The following TIMELESS variants were observed in gnomAD, a reference collection of about 807,000 sequenced individuals.
The protein encoded by TIMELESS is timeless circadian regulator, also known as protein timeless homolog.
In TIMELESS, 124 loss-of-function variants were observed where a neutral mutation model predicts 164.3. The ratio of observed to expected loss-of-function variants is 0.75; its 90% CI spans 0.65 to 0.88. The LOEUF is 0.88. TIMELESS is among the 40% of genes least tolerant of loss of function. The pLI is 0.00. For missense variants in TIMELESS, 1,422 were observed against 1,491.4 expected (o/e 0.95, Z 0.77); for synonymous variants, 564 against 563.4 (o/e 1.00, Z -0.02).
rs772690151 is a variant in TIMELESS at position 56,424,912 on chromosome 12, T to C, written c.1718A>G (p.Asn573Ser). 1.9e-6 allele frequency: 3 copies of C among 1,614,072 alleles called. No individual in the cohort carries two copies. Among genetic ancestry groups the C allele is most frequent in the African/African-American group, 1.3e-5 (1 of 74,910 alleles). Reference sequence around the variant, plus strand: ...CACGGAGTCCATGCTGAGCTCAGAATTCTAGAGATGGATAAAGCTATGGGA... The same window carrying C: ...CACGGAGTCCATGCTGAGCTCAGAACTCTAGAGATGGATAAAGCTATGGGA... ...LAEQLQCCAQ[N>S]SELSMDSVVP... The change falls in exon 15 of 29, where the codon AAT (asparagine) becomes AGT (serine). Residue 573 changes from asparagine to serine, a missense_variant and splice_region_variant. Physicochemically the swap from Asn to Ser is conservative, Grantham distance 46. Transcript: ENST00000553532.
At chr12:56,438,327 G>A (rs948477715) in intron 1 of TIMELESS, among the ~76,000 whole-genome samples, 3 of 152,126 alleles carry the variant, frequency 2.0e-5, no homozygotes, top group Non-Finnish European at 4.4e-5. Context: ...TTACAGGCGT[G>A]AGCCACCGTG....
At position 56,433,386 on chromosome 12, in the gene TIMELESS, G is replaced by A. The variant is rs567812420; in HGVS notation, c.424C>T (p.Gln142Ter). Residue 142 changes from glutamine (Q) to a stop codon, truncating the protein, a stop_gained, in exon 5 of 29, where the codon CAG (glutamine) becomes TAG (stop). Coordinates refer to ENST00000553532, the MANE Select transcript of TIMELESS (RefSeq NM_003920.5). LOFTEE classifies it high-confidence loss of function. The stretch of plus-strand genomic sequence containing the variant: ...TAAGGTGAAGACTCACTCACCAGCT[G>A]CAGCAGCTCATACAAGGTTTCACTG... Reference protein sequence around the residue: ...VLSETLYELLQLGWEERQEED... With the variant: ...VLSETLYELL 4 of 1,614,158 alleles carry A rather than the reference G, an allele frequency of 2.5e-6. No individual in the cohort carries two copies. In the South Asian group the frequency reaches 3.3e-5, roughly 13 times the overall value.
chr12:56,443,621 T>C (rs1868308585), intron 1 of TIMELESS, among the ~76,000 whole-genome samples: 1 of 152,190 alleles, frequency 6.6e-6, no homozygotes, highest in African/African-American at 2.4e-5. Flanking sequence ...TCCCTATTCG[T>C]ACCCCCCTCC....
At chr12:56,428,158 A>C in intron 13 of TIMELESS, 78 bp downstream of exon 13, 1 of 1,412,714 alleles carries the variant, frequency 7.1e-7, no homozygotes, top group South Asian at 1.4e-5. Context: ...CTTAAGCTGT[A>C]CAAACTGTGA....
In TIMELESS at chr12:56,434,229, G is replaced by A. The variant is rs1881998396; in HGVS notation, c.-59C>T. Reference sequence around the variant, plus strand: ...GAGAAACAGGAGACAGAAATGATGAGGCCTGGAGAAATAGAGAAAGATAAA... The same window carrying A: ...GAGAAACAGGAGACAGAAATGATGAAGCCTGGAGAAATAGAGAAAGATAAA... On this transcript the variant is annotated splice_region_variant and 5_prime_UTR_variant, in exon 2 of 29. Coordinates refer to ENST00000553532, the MANE Select transcript of TIMELESS (RefSeq NM_003920.5). The A allele has an allele frequency of 1.1e-5, 15 of 1,349,604 alleles. No homozygotes were observed. The East Asian group carries it at 3.4e-4, about 31-fold the overall frequency. 83.6% of individuals were successfully genotyped at this position (1,349,604 alleles called of 1,614,324 possible).
At chr12:56,421,324 C>A in intron 23 of TIMELESS, 27 bp downstream of exon 23, 1 of 1,608,160 alleles carries the variant, frequency 6.2e-7, no homozygotes, top group Non-Finnish European at 8.5e-7. Context: ...TGAGCCCATG[C>A]CAGCAGAGCT....
intron 15 of TIMELESS, 121 bp downstream of exon 15, chr12:56,424,641 T>G: frequency 8.1e-7 from 1 of 1,234,022 alleles, no homozygotes. Flanking sequence ...AGGAGTCAGT[T>G]GGTATACAGT....
Position 56,423,086 on chromosome 12 carries a change from GC to G in TIMELESS, c.2293-95del, listed in dbSNP as rs1232138465. The G allele has an allele frequency of 3.3e-5, 48 of 1,466,094 alleles. No individual in the cohort carries two copies. The East Asian group carries it at 1.1e-3, about 33-fold the overall frequency. 90.8% of individuals were successfully genotyped at this position (1,466,094 alleles called of 1,614,324 possible). A position where few individuals can be genotyped will look rare whatever the true frequency, so the allele number is the denominator to read the frequency against. On this transcript the variant is annotated intron_variant, in intron 18 of 28. Coordinates refer to ENST00000553532, the MANE Select transcript of TIMELESS (RefSeq NM_003920.5). ...ATTTTCTCTATAGCTGTTCCCAGCTGCCCCCTCCTCACTCACTCTCTTCTGT... is the reference window on the plus strand; with the variant it reads ...ATTTTCTCTATAGCTGTTCCCAGCTGCCCCTCCTCACTCACTCTCTTCTGT...
At chr12:56,430,407 C>T (rs1378781067) in intron 9 of TIMELESS, 126 bp from the exon 10 acceptor site, 1 of 1,157,288 alleles carries the variant, frequency 8.6e-7, no homozygotes, top group Non-Finnish European at 1.2e-6. Flanking sequence ...GCTCTGTCAC[C>T]CAGGCTGGAG....
chr12:56,420,646 T>C lies in TIMELESS; in HGVS notation c.3151A>G (p.Asn1051Asp), dbSNP rs149631095. 376 of 1,614,240 alleles carry C rather than the reference T, an allele frequency of 2.3e-4. 3 individuals are homozygous for C. In the Middle Eastern group the frequency reaches 0.011, roughly 48 times the overall value. ...TGTTCGTTTTCCATGGCTTCCTCAT[T>C]TTCCTCTGTGAGTGGCACCAATGGA... is the stretch of plus-strand genomic sequence containing the variant. Reference protein sequence around the residue: ...AVPLVPLTEENEEAMENEQFQ... With the variant: ...AVPLVPLTEEDEEAMENEQFQ... The change falls in exon 26 of 29, where the codon AAT becomes GAT. Residue 1051 changes from asparagine to aspartate, a missense_variant. Asn to Asp is a conservative substitution (Grantham distance 23, BLOSUM62 1). Transcript: ENST00000553532.
At chr12:56,433,983 C>A in intron 2 of TIMELESS, 57 bp from the exon 3 acceptor site, 1 of 1,612,324 alleles carries the variant, frequency 6.2e-7, no homozygotes, top group Non-Finnish European at 8.5e-7. Context: ...CCATCCAGAC[C>A]CACATCTTTT....
At position 56,433,477 on chromosome 12, in the gene TIMELESS, T is replaced by G. The variant is rs1319990973; in HGVS notation, c.367-34A>C. On this transcript the variant is annotated intron_variant, in intron 4 of 28. Coordinates refer to ENST00000553532, the MANE Select transcript of TIMELESS (RefSeq NM_003920.5). Reference sequence around the variant, plus strand: ...TAGGGAACCTGATCTTAAGTAGCAGTCATCCACTTCTTCACCACTGCCCCA... The same window carrying G: ...TAGGGAACCTGATCTTAAGTAGCAGGCATCCACTTCTTCACCACTGCCCCA... 14 of 1,613,916 alleles carry G rather than the reference T, an allele frequency of 8.7e-6. 1 individual carries two copies. The highest frequency in any genetic ancestry group is 1.1e-5 in the Non-Finnish European group (13 of 1,179,872).
rs190682933 is a variant in TIMELESS at position 56,416,440 on chromosome 12, C to G, written c.*1276G>C. 6.6e-6 allele frequency: 1 copy of G among 152,344 alleles called. No individual in the cohort carries two copies. Among genetic ancestry groups the G allele is most frequent in the Admixed American group, 6.5e-5 (1 of 15,294 alleles). 9.4% of individuals were successfully genotyped at this position (152,344 alleles called of 1,614,324 possible). On this transcript the variant is annotated 3_prime_UTR_variant, in exon 29 of 29. Coordinates refer to ENST00000553532, the MANE Select transcript of TIMELESS (RefSeq NM_003920.5). ...GCTATTTTCTCAATCTCACCTTTGCCCTACCTCGGCTGGAAGCACAGGAAG... is the reference window on the plus strand; with the variant it reads ...GCTATTTTCTCAATCTCACCTTTGCGCTACCTCGGCTGGAAGCACAGGAAG...
At chr12:56,422,529 G>A (rs1036971010) in intron 19 of TIMELESS, among the ~76,000 whole-genome samples, 1 of 152,280 alleles carries the variant, frequency 6.6e-6, no homozygotes, top group South Asian at 2.1e-4. Flanking sequence ...AAATCCTCAT[G>A]GTTTCCCAGC....
chr12:56,442,083 CAA>C (rs34126247), intron 1 of TIMELESS, among the ~76,000 whole-genome samples: 1 of 94,372 alleles, frequency 1.1e-5, no homozygotes, highest in Non-Finnish European at 1.9e-5. Context: ...GACTCCGTCT[CAA>C]AAAAAAAAAA....
intron 1 of TIMELESS, among the ~76,000 whole-genome samples, chr12:56,440,839 A>ACAGG (rs1868264655): frequency 6.6e-6 from 1 of 152,174 alleles, no homozygotes; most frequent in South Asian, 2.1e-4. Flanking sequence ...TTGTTTTGAG[A>ACAGG]CAGGGTCTCC....
In TIMELESS at chr12:56,434,090, C is replaced by T. The variant is rs532883251; in HGVS notation, c.81G>A (p.Lys27=). The T allele has an allele frequency of 1.9e-6, 3 of 1,614,082 alleles. No individual in the cohort carries two copies. Among genetic ancestry groups the T allele is most frequent in the South Asian group, 2.2e-5 (2 of 91,080 alleles). The change falls in exon 2 of 29, where the codon AAG becomes AAA. Residue 27 remains lysine (K), a synonymous_variant. Transcript: ENST00000553532. ...LGYLEGDTYH[K]EPDCLESVKD... ...GGTACTCACCTAAGCAATCTGGTTC[C>T]TTATGGTAAGTGTCTCCCTCCAAGT...
intron 26 of TIMELESS, among the ~76,000 whole-genome samples, chr12:56,418,572 C>CTT (rs372018339): frequency 6.3e-5 from 8 of 126,790 alleles, no homozygotes; most frequent in South Asian, 2.5e-4. Flanking sequence ...TTTGGTTGTT[C>CTT]TTTTTTTTTT....
chr12:56,419,459 A>AATGTGT (rs71446551), intron 26 of TIMELESS, among the ~76,000 whole-genome samples: 3 of 147,936 alleles, frequency 2.0e-5, no homozygotes, highest in African/African-American at 7.5e-5. Flanking sequence ...AGACAGATGG[A>AATGTGT]GTGTGTGTGT....
Sources: allele counts gnomAD v4.1 joint callset (sites outside exome capture counted in the v4.1 genomes callset), GRCh38; gene constraint gnomAD v4.1.1; transcripts MANE v1.5; gene names NCBI Gene and HGNC (gene_info 2026-07-23, HGNC 2026-07-21).